Variants in PAK4 observed in about 807,000 individuals in gnomAD.
The protein encoded by PAK4 is serine/threonine-protein kinase PAK 4.
PAK4 carries 49 observed loss-of-function variants against 53.5 expected under a neutral mutation model. The observed-to-expected ratio is 0.92, with a 90% confidence interval of 0.73 to 1.16. PAK4 has a LOEUF of 1.16. PAK4 is among the 50% of genes most tolerant of loss of function. PAK4 has a pLI of 0.00. For missense variants in PAK4, 824 were observed against 850.7 expected, an observed-to-expected ratio of 0.97 and a Z score of 0.39; for synonymous variants, 376 against 375.6, an observed-to-expected ratio of 1.00 and a Z score of -0.01.
intron 1 of PAK4, among the ~76,000 whole-genome samples, chr19:39,157,200 CTG>C (rs201464230): frequency 6.6e-6 from 1 of 150,936 alleles, no homozygotes; most frequent in Non-Finnish European, 1.5e-5. Flanking sequence ...TCCTTGCCTA[CTG>C]TGTGTGGTTT....
chr19:39,135,304 A>C (rs988967038), intron 1 of PAK4: 4 of 145,342 alleles, frequency 2.8e-5, no homozygotes, highest in Admixed American at 6.8e-5. Context: ...CATTCTGTGG[A>C]CAGGAGTCAA....
rs369411608 is a variant in PAK4, at chr19:39,177,820, C to T, written c.1620+11C>T. On this transcript the variant is annotated intron_variant, in intron 8 of 8. Transcript: ENST00000358301. The stretch of plus-strand genomic sequence containing the variant: ...AAGAACCTGCACAAGGTAGGCCCCT[C>T]CCTGGCTGGGAAACTGTGCGCCAGC... 6.9e-6 allele frequency: 11 copies of T among 1,599,814 alleles called. No individual in the cohort carries two copies. The African/African-American group carries it at 9.4e-5, about 14-fold the overall frequency.
Position 39,173,930 on chromosome 19 carries a change from G to A in PAK4, c.1018G>A (p.Val340Met), listed in dbSNP as rs140420249. The change falls in exon 4 of 9, where the codon GTG becomes ATG. Residue 340 changes from valine (V) to methionine (M), a missense_variant. This residue lies in a region of PAK4 where 346 missense variants were observed against 415.0 expected (regional missense o/e 0.83). Coordinates refer to ENST00000358301, the Ensembl canonical transcript of PAK4. This position sits in a 1 kb window ranked among gnomAD's most constrained non-coding sequence, Gnocchi z 6.9. ...CACGGGCATCGTGTGCATCGCCACC[G>A]TGCGCAGCTCGGGCAAGCTGGTGGC... The A allele has an allele frequency of 1.6e-5, 25 of 1,611,356 alleles. No individual in the cohort carries two copies. The highest frequency in any genetic ancestry group is 1.2e-4 in the African/African-American group (9 of 74,888).
intron 2 of PAK4, among the ~76,000 whole-genome samples, chr19:39,171,779 G>C (rs1484759892): frequency 6.6e-6 from 1 of 152,234 alleles, no homozygotes; most frequent in African/African-American, 2.4e-5. Flanking sequence ...GCAGCCCCGG[G>C]CAGGGTCCTT....
chr19:39,130,752 A>C (rs1317192794), intron 1 of PAK4, among the ~76,000 whole-genome samples: 1 of 152,016 alleles, frequency 6.6e-6, no homozygotes, highest in Non-Finnish European at 1.5e-5. Context: ...TGTTGGATAC[A>C]GCAGGGCCTA....
intron 1 of PAK4, among the ~76,000 whole-genome samples, chr19:39,133,204 G>A (rs562861789): frequency 1.8e-4 from 27 of 152,348 alleles, no homozygotes; most frequent in African/African-American, 6.5e-4. Flanking sequence ...TAAAATGAGG[G>A]TGCTAATGAT....
At chr19:39,167,529 G>T (rs1477056312) in intron 1 of PAK4, among the ~76,000 whole-genome samples, 2 of 152,066 alleles carry the variant, frequency 1.3e-5, no homozygotes. Context: ...GAAGGGGCTG[G>T]GCAGAGACAA....
chr19:39,176,453 G>T, intron 6 of PAK4, 137 bp from the exon 8 acceptor site: 1 of 1,202,676 alleles, frequency 8.3e-7, no homozygotes. Flanking sequence ...CTAGACCCCA[G>T]CTCTGACCCT....
At chr19:39,144,675 C>T (rs2073970917) in intron 1 of PAK4, among the ~76,000 whole-genome samples, 1 of 152,204 alleles carries the variant, frequency 6.6e-6, no homozygotes, top group South Asian at 2.1e-4. Context: ...GCTTCCCGGC[C>T]TTTGTCTTCC....
intron 1 of PAK4, among the ~76,000 whole-genome samples, chr19:39,165,527 T>C (rs1182307238): frequency 7.7e-6 from 1 of 129,498 alleles, no homozygotes; most frequent in African/African-American, 2.6e-5. Context: ...AATAAATAAA[T>C]AAATAAATAA....
chr19:39,126,934 G>A (rs867535691), intron 1 of PAK4, among the ~76,000 whole-genome samples: 51 of 152,296 alleles, frequency 3.3e-4, no homozygotes, highest in African/African-American at 1.1e-3. Context: ...TGATTCCAGG[G>A]CTCCTGCCCC....
At chr19:39,148,466 C>CTTTTTTTTTTTTTTTTGTTTTT (rs2074040657) in intron 1 of PAK4, among the ~76,000 whole-genome samples, 1 of 56,786 alleles carries the variant, frequency 1.8e-5, no homozygotes, top group African/African-American at 7.6e-5. Context: ...GTTTCTTCTG[C>CTTTTTTTTTTTTTTTTGTTTTT]TTTTTTTTTT....
exon 5 of PAK4, chr19:39,174,985 T>C: frequency 1.2e-6 from 2 of 1,613,846 alleles, no homozygotes; most frequent in Non-Finnish European, 8.5e-7. Flanking sequence ...GTACAACAGC[T>C]ACCTGGTGGG....
chr19:39,140,318 G>A (rs762438587), intron 1 of PAK4, among the ~76,000 whole-genome samples: 1 of 152,132 alleles, frequency 6.6e-6, no homozygotes, highest in Non-Finnish European at 1.5e-5. Flanking sequence ...GGATGCTGAT[G>A]TCACCACGCT....
chr19:39,181,395 G>C (rs994274324), downstream of PAK4: 1 of 152,262 alleles, frequency 6.6e-6, no homozygotes, highest in African/African-American at 2.4e-5. Context: ...ATTTGGTACC[G>C]GTGGTTGGAT....
intron 1 of PAK4, among the ~76,000 whole-genome samples, chr19:39,128,704 G>A (rs909466868): frequency 6.6e-6 from 1 of 152,126 alleles, no homozygotes. Flanking sequence ...GAGGCCAAGG[G>A]TCTCCTCCTC....
At chr19:39,177,910 T>C in intron 8 of PAK4, 101 bp downstream of exon 9, 3 of 1,343,738 alleles carry the variant, frequency 2.2e-6, no homozygotes, top group Non-Finnish European at 3.1e-6. Context: ...TGATGGCGCC[T>C]GGGATGGCGC....
chr19:39,178,385 G>C lies in PAK4; in HGVS notation c.1621-39G>C, dbSNP rs1211173036. On this transcript the variant is annotated intron_variant, in intron 8 of 8. Coordinates refer to ENST00000358301, the Ensembl canonical transcript of PAK4. The surrounding 1 kb of genome is among the most constrained non-coding windows in gnomAD (Gnocchi z 4.4). ...GCAGCCCTACAGCAAATGAACAGTGGGGAGCCTCGCCCCCTGACCCTCCCC... is the reference window on the plus strand; with the variant it reads ...GCAGCCCTACAGCAAATGAACAGTGCGGAGCCTCGCCCCCTGACCCTCCCC... The C allele has an allele frequency of 6.4e-7, 1 of 1,553,384 alleles. No individual in the cohort carries two copies. The highest frequency in any genetic ancestry group is 8.7e-7 in the Non-Finnish European group (1 of 1,149,720).
Position 39,144,091 on chromosome 19 carries a change from C to A in PAK4, c.-23+18172C>A, listed in dbSNP as rs139637054. 7.0e-3 allele frequency among the ~76,000 whole-genome samples: 1,039 copies of A among 148,284 alleles called. 18 individuals are homozygous for A. The highest frequency in any genetic ancestry group is 0.024 in the African/African-American group (953 of 39,766). The stretch of plus-strand genomic sequence containing the variant: ...TAAGATAGAGCGAGCAAGACCCTAT[C>A]TCAGGTAGATAGATAGATAGATAGA... On this transcript the variant is annotated intron_variant, in intron 1 of 8. Transcript: ENST00000358301.
Sources: allele counts gnomAD v4.1 joint callset (sites outside exome capture counted in the v4.1 genomes callset), GRCh38; gene constraint gnomAD v4.1.1; regional missense constraint gnomAD v4.1.1; non-coding constraint Gnocchi (gnomAD v3.1); transcripts MANE v1.5; gene names NCBI Gene and HGNC (gene_info 2026-07-23, HGNC 2026-07-21).